PRPSAP2: variants seen among roughly 807,000 people sequenced by gnomAD.
PRPSAP2 encodes the protein phosphoribosyl pyrophosphate synthetase associated protein 2, also known as phosphoribosyl pyrophosphate synthase-associated protein 2.
A neutral mutation model predicts 40.6 loss-of-function variants in PRPSAP2; 24 were observed. The observed-to-expected ratio is 0.59, with a 90% confidence interval of 0.43 to 0.83. PRPSAP2 has a LOEUF of 0.83. PRPSAP2 is among the 40% of genes least tolerant of loss of function. PRPSAP2 has a pLI of 0.00. For missense variants in PRPSAP2, 292 were observed against 465.6 expected (o/e 0.63, Z 3.43); for synonymous variants, 149 against 164.7 (o/e 0.90, Z 0.73).
At chr17:18,872,084 C>G (rs1215314935) in intron 4 of PRPSAP2, among the ~76,000 whole-genome samples, 4 of 152,040 alleles carry the variant, frequency 2.6e-5, no homozygotes, top group Non-Finnish European at 5.9e-5. Context: ...TCCTGGCTAA[C>G]ATGGTGAAAC....
chr17:18,885,641 G>T (rs1166103162), intron 7 of PRPSAP2, among the ~76,000 whole-genome samples: 2 of 151,866 alleles, frequency 1.3e-5, no homozygotes, highest in Admixed American at 1.3e-4. Flanking sequence ...AGGCTGGAGT[G>T]CAATGGCATG....
chr17:18,857,673 G>A (rs931343754), upstream of PRPSAP2: 1 of 151,796 alleles, frequency 6.6e-6, no homozygotes, highest in African/African-American at 2.4e-5. Context: ...GCCCGCCTCA[G>A]CCTCGCAAAG....
Position 18,911,264 on chromosome 17 carries a change from C to T in PRPSAP2, c.733+13C>T, listed in dbSNP as rs754829865. 2 of 1,592,878 alleles carry T rather than the reference C, an allele frequency of 1.3e-6. No individual in the cohort carries two copies. Among genetic ancestry groups the T allele is most frequent in the Admixed American group, 3.4e-5 (2 of 58,034 alleles). ...CTGGAGATCCCCAGTAAGTGTGCTGCTGCCTCTTTCCCACTTTCCTCTGAT... is the reference window on the plus strand; with the variant it reads ...CTGGAGATCCCCAGTAAGTGTGCTGTTGCCTCTTTCCCACTTTCCTCTGAT... On this transcript the variant is annotated intron_variant, in intron 9 of 11. Transcript: ENST00000268835. This position sits in a 1 kb window ranked among gnomAD's most constrained non-coding sequence, Gnocchi z 4.5.
intron 10 of PRPSAP2, among the ~76,000 whole-genome samples, chr17:18,927,039 A>G (rs1302458979): frequency 6.6e-6 from 1 of 152,212 alleles, no homozygotes; most frequent in Non-Finnish European, 1.5e-5. Context: ...ACAGCTCTAG[A>G]GGCTGTAAGT....
At chr17:18,890,315 G>A (rs966806646) in intron 8 of PRPSAP2, among the ~76,000 whole-genome samples, 1 of 151,774 alleles carries the variant, frequency 6.6e-6, no homozygotes, top group South Asian at 2.1e-4. Flanking sequence ...GATTACAGGC[G>A]TGCACCACCA....
intron 1 of PRPSAP2, among the ~76,000 whole-genome samples, chr17:18,860,356 G>A (rs1171627086): frequency 6.6e-5 from 10 of 152,130 alleles, no homozygotes; most frequent in Non-Finnish European, 1.5e-4. Context: ...GCGCCTGGCC[G>A]GTTTTTATAC....
intron 8 of PRPSAP2, among the ~76,000 whole-genome samples, chr17:18,904,102 G>C (rs1041222561): frequency 6.6e-6 from 1 of 152,156 alleles, no homozygotes; most frequent in Admixed American, 6.6e-5. Flanking sequence ...GCCAGTCTTT[G>C]TGAGAACCTT....
rs199576423 is a variant in PRPSAP2, at chr17:18,862,791, T to TTTTATTTA, written c.-128-2642_-128-2635dup. Among the ~76,000 whole-genome samples the TTTTATTTA allele has an allele frequency of 4.0e-3, 590 of 149,304 alleles. 3 individuals are homozygous for TTTTATTTA. Among genetic ancestry groups the TTTTATTTA allele is most frequent in the African/African-American group, 0.011 (424 of 40,150 alleles). On this transcript the variant is annotated intron_variant, in intron 1 of 11. Transcript: ENST00000268835. ...TTATTTTCCTGGACCTGTAACACCC[T>TTTTATTTA]TTTATTTATTTATTTATTTATTTAT...
chr17:18,928,176 T>C (rs2042066893), intron 10 of PRPSAP2: 1 of 156,524 alleles, frequency 6.4e-6, no homozygotes, highest in African/African-American at 2.4e-5. Flanking sequence ...TTTATTCAAC[T>C]CTAGACAACG....
intron 9 of PRPSAP2, among the ~76,000 whole-genome samples, chr17:18,919,881 T>G (rs192559258): frequency 3.9e-5 from 6 of 152,278 alleles, no homozygotes; most frequent in Non-Finnish European, 8.8e-5. Context: ...TAATGGGGAT[T>G]TAAGGAGGAG....
At chr17:18,914,045 G>A (rs545191570) in intron 9 of PRPSAP2, among the ~76,000 whole-genome samples, 7 of 151,524 alleles carry the variant, frequency 4.6e-5, no homozygotes, top group African/African-American at 1.2e-4. Flanking sequence ...ATGGTGGTGC[G>A]TGCCTTAAAT....
At chr17:18,919,921 G>T (rs1274122369) in intron 9 of PRPSAP2, among the ~76,000 whole-genome samples, 2 of 152,178 alleles carry the variant, frequency 1.3e-5, no homozygotes, top group Non-Finnish European at 2.9e-5. Flanking sequence ...CAGGGTTCAG[G>T]ATTTGGGGCT....
intron 8 of PRPSAP2, among the ~76,000 whole-genome samples, chr17:18,902,640 G>A (rs1019468579): frequency 6.6e-6 from 1 of 151,276 alleles, no homozygotes; most frequent in African/African-American, 2.4e-5. Context: ...GAGGCCGAGG[G>A]GGGTGGATCA....
Position 18,911,378 on chromosome 17 carries a change from T to C in PRPSAP2, c.733+127T>C. 3 of 1,163,070 alleles carry C rather than the reference T, an allele frequency of 2.6e-6. No individual in the cohort carries two copies. The highest frequency in any genetic ancestry group is 2.1e-4 in the Middle Eastern group (1 of 4,696). The allele number at this position is 1,163,070 out of a possible 1,614,324, so 72.0% of individuals were successfully genotyped here. A position where few individuals can be genotyped will look rare whatever the true frequency, so the allele number is the denominator to read the frequency against. On this transcript the variant is annotated intron_variant, in intron 9 of 11. Coordinates refer to ENST00000268835, the MANE Select transcript of PRPSAP2 (RefSeq NM_002767.4). This position sits in a 1 kb window ranked among gnomAD's most constrained non-coding sequence, Gnocchi z 4.5. ...GGCAAAAACTCATTAACACCTTTCT[T>C]GGCCAGATAGTAGCGAATGCATTTC...
intron 6 of PRPSAP2, among the ~76,000 whole-genome samples, chr17:18,880,619 G>A (rs762563371): frequency 2.2e-4 from 33 of 152,084 alleles, no homozygotes; most frequent in Non-Finnish European, 2.1e-4. Flanking sequence ...ATGTGGCCCA[G>A]GCCATTTTCA....
chr17:18,861,072 T>G (rs76363552), intron 1 of PRPSAP2, among the ~76,000 whole-genome samples: 13,520 of 152,198 alleles, frequency 0.089, 715 homozygotes, highest in African/African-American at 0.14. Context: ...TCTCGATGAT[T>G]ATTATGTTTT....
intron 5 of PRPSAP2, among the ~76,000 whole-genome samples, chr17:18,874,009 A>G (rs1370894279): frequency 1.3e-5 from 2 of 151,778 alleles, no homozygotes; most frequent in African/African-American, 2.4e-5. Flanking sequence ...GGCTCAAACT[A>G]TCCTCCTCCC....
intron 4 of PRPSAP2, among the ~76,000 whole-genome samples, chr17:18,871,022 TA>T (rs532527879): frequency 2.8e-3 from 422 of 152,182 alleles, no homozygotes; most frequent in African/African-American, 9.7e-3. Context: ...AAGGGTCTTT[TA>T]TTTTTTATTT....
chr17:18,856,394 C>A (rs1188085825), upstream of PRPSAP2: 1 of 152,126 alleles, frequency 6.6e-6, no homozygotes, highest in Non-Finnish European at 1.5e-5. Context: ...GGGACGTGAG[C>A]CCAGCCGAGG....
Sources: gnomAD v4.1 joint callset for allele counts (sites outside exome capture counted in the v4.1 genomes callset) on GRCh38, gnomAD v4.1.1 for gene constraint, Gnocchi (gnomAD v3.1) non-coding constraint, MANE v1.5 for transcripts, NCBI Gene and HGNC (gene_info 2026-07-23, HGNC 2026-07-21) for gene names.